Variants in RFX3 observed in about 807,000 individuals in gnomAD.
The protein encoded by RFX3 is regulatory factor X3, also known as transcription factor RFX3.
In RFX3, 14 loss-of-function variants were observed where a neutral mutation model predicts 98.6. The ratio of observed to expected loss-of-function variants is 0.14; its 90% CI spans 0.09 to 0.22. The LOEUF (loss-of-function observed/expected upper bound fraction) is 0.22, where lower values mean the gene tolerates loss of function less well. Among genes scored for constraint, RFX3 ranks in the 10% least tolerant of loss-of-function variants. The pLI is 1.00. For missense variants in RFX3, 639 were observed against 926.9 expected, an observed-to-expected ratio of 0.69 and a Z score of 4.03; for synonymous variants, 383 against 328.4, an observed-to-expected ratio of 1.17 and a Z score of -1.80.
At position 3,293,057 on chromosome 9, in the gene RFX3, T is replaced by A; in HGVS notation, c.731+20A>T. On this transcript the variant is annotated intron_variant, in intron 6 of 16. Transcript: ENST00000617270. ...TTGAAAAAGAGAGATTAGTTTATGATCTTATTTTTCAATACTAACCTAGTG... is the reference window on the plus strand; with the variant it reads ...TTGAAAAAGAGAGATTAGTTTATGAACTTATTTTTCAATACTAACCTAGTG... 6.3e-7 allele frequency: 1 copy of A among 1,576,334 alleles called. No individual in the cohort carries two copies. Among genetic ancestry groups the A allele is most frequent in the Non-Finnish European group, 8.6e-7 (1 of 1,156,704 alleles).
intron 1 of RFX3, among the ~76,000 whole-genome samples, chr9:3,412,866 G>C (rs1044129031): frequency 6.6e-6 from 1 of 152,034 alleles, no homozygotes; most frequent in African/African-American, 2.4e-5. Context: ...TATTAATAAA[G>C]CTACCACCAA....
At chr9:3,517,336 T>C (rs939150906) in intron 1 of RFX3, among the ~76,000 whole-genome samples, 1 of 152,188 alleles carries the variant, frequency 6.6e-6, no homozygotes, top group African/African-American at 2.4e-5. Context: ...TTGGCTAGCA[T>C]TTTTGAAGTC....
intron 7 of RFX3, among the ~76,000 whole-genome samples, chr9:3,282,413 G>A (rs976193834): frequency 2.0e-5 from 3 of 151,546 alleles, no homozygotes; most frequent in Non-Finnish European, 2.9e-5. Flanking sequence ...ATCTATAATC[G>A]GGCAAGAAGA....
At chr9:3,229,281 G>A (rs758674346) in intron 15 of RFX3, among the ~76,000 whole-genome samples, 11 of 152,222 alleles carry the variant, frequency 7.2e-5, no homozygotes, top group Non-Finnish European at 1.2e-4. Flanking sequence ...ATACTTGGCA[G>A]ATGAGTCCAC....
chr9:3,467,197 ATGTATGTGTATATACATATATAATG>A (rs1246749282), intron 1 of RFX3, among the ~76,000 whole-genome samples: 49 of 143,242 alleles, frequency 3.4e-4, no homozygotes, highest in African/African-American at 1.2e-3. Flanking sequence ...TACATATATA[ATGTATGTGTATATACATATATAATG>A]TATATATGTA....
intron 1 of RFX3, among the ~76,000 whole-genome samples, chr9:3,467,909 A>G (rs1848456697): frequency 6.6e-6 from 1 of 152,194 alleles, no homozygotes; most frequent in Admixed American, 6.5e-5. Flanking sequence ...ACAGAGCATC[A>G]TGCAGCAGCA....
At chr9:3,304,234 T>C (rs985497335) in intron 4 of RFX3, among the ~76,000 whole-genome samples, 4 of 152,014 alleles carry the variant, frequency 2.6e-5, no homozygotes, top group African/African-American at 4.8e-5. Context: ...AACATGTATT[T>C]ATTATATTCA....
intron 13 of RFX3, among the ~76,000 whole-genome samples, chr9:3,259,694 T>A: frequency 6.6e-6 from 1 of 151,866 alleles, no homozygotes. Context: ...GCCATCGTAA[T>A]ACTATCAATT....
At chr9:3,436,261 T>C (rs1401208800) in intron 1 of RFX3, among the ~76,000 whole-genome samples, 1 of 152,076 alleles carries the variant, frequency 6.6e-6, no homozygotes, top group Admixed American at 6.6e-5. Flanking sequence ...ATTTCCATTT[T>C]CAGATAGGCT....
At chr9:3,403,624 A>T (rs761247597) in intron 1 of RFX3, among the ~76,000 whole-genome samples, 23 of 152,188 alleles carry the variant, frequency 1.5e-4, no homozygotes, top group Non-Finnish European at 2.9e-4. Context: ...ATTATGAAAA[A>T]CTATTACTTA....
At chr9:3,297,531 C>T (rs1828139543) in intron 5 of RFX3, among the ~76,000 whole-genome samples, 1 of 151,918 alleles carries the variant, frequency 6.6e-6, no homozygotes, top group Non-Finnish European at 1.5e-5. Flanking sequence ...TTGCATTGCC[C>T]AATTAACATC....
intron 2 of RFX3, among the ~76,000 whole-genome samples, chr9:3,385,132 T>A (rs934294811): frequency 4.3e-4 from 65 of 152,210 alleles, no homozygotes; most frequent in African/African-American, 1.5e-3. Flanking sequence ...TAATTTGCTA[T>A]GGCAAAAGGG....
At chr9:3,242,579 A>G (rs1212387176) in intron 15 of RFX3, among the ~76,000 whole-genome samples, 1 of 152,174 alleles carries the variant, frequency 6.6e-6, no homozygotes, top group Non-Finnish European at 1.5e-5. Flanking sequence ...TTAAGCACCA[A>G]TATTTGTTTA....
At chr9:3,269,454 T>C (rs993984043) in intron 11 of RFX3, among the ~76,000 whole-genome samples, 3 of 152,108 alleles carry the variant, frequency 2.0e-5, no homozygotes, top group South Asian at 2.1e-4. Context: ...TCACAAGCTA[T>C]ATGCTTGCTT....
rs1002518040 is a variant in RFX3, at chr9:3,395,403, A to G, written c.117+69T>C. 9 of 1,556,244 alleles carry G rather than the reference A, an allele frequency of 5.8e-6. 1 individual carries two copies. The Middle Eastern group carries it at 8.5e-4, about 147-fold the overall frequency. On this transcript the variant is annotated intron_variant, in intron 2 of 16. Transcript: ENST00000617270. Reference sequence around the variant, plus strand: ...ACAGTAAAGTTCAAATAATTTTTGGATACAGGTATGTTGGACAGCCAACAT... The same window carrying G: ...ACAGTAAAGTTCAAATAATTTTTGGGTACAGGTATGTTGGACAGCCAACAT...
At chr9:3,298,266 T>C (rs138462456) in intron 5 of RFX3, among the ~76,000 whole-genome samples, 1,593 of 151,968 alleles carry the variant, frequency 0.01, 16 homozygotes, top group African/African-American at 0.021. Flanking sequence ...AGGCTGCATA[T>C]AGAGAAATAA....
chr9:3,346,541 A>G (rs1834458092), intron 3 of RFX3, 126 bp downstream of exon 3: 2 of 589,002 alleles, frequency 3.4e-6, no homozygotes, highest in Admixed American at 2.8e-5. Flanking sequence ...CTTAATTTCA[A>G]TAACTGTTCT....
intron 1 of RFX3, among the ~76,000 whole-genome samples, chr9:3,467,237 CAA>C (rs999070222): frequency 5.7e-5 from 8 of 140,938 alleles, no homozygotes; most frequent in African/African-American, 1.9e-4. Context: ...TATGTATATA[CAA>C]TATATATTAT....
chr9:3,369,550 C>T (rs865807953), intron 2 of RFX3, among the ~76,000 whole-genome samples: 23 of 152,236 alleles, frequency 1.5e-4, no homozygotes, highest in Middle Eastern at 6.8e-3. Flanking sequence ...CTTCATACCT[C>T]CACCCATATG....
Sources: gnomAD v4.1 joint callset for allele counts (sites outside exome capture counted in the v4.1 genomes callset) on GRCh38, gnomAD v4.1.1 for gene constraint, MANE v1.5 for transcripts, NCBI Gene and HGNC (gene_info 2026-07-23, HGNC 2026-07-21) for gene names.